Variants in OVCH1 observed in about 807,000 individuals in gnomAD.
OVCH1 encodes the protein ovochymase-1.
OVCH1 carries 139 observed loss-of-function variants against 138.4 expected under a neutral mutation model. That is an observed-to-expected ratio of 1.00 (90% CI 0.87 to 1.16). The LOEUF is 1.16. OVCH1 is among the 50% of genes most tolerant of loss of function. The probability of loss-of-function intolerance (pLI) is 0.00; values close to 1 mark genes in which losing one functional copy is unlikely to be tolerated. For synonymous variants in OVCH1, 453 were observed against 467.8 expected, an observed-to-expected ratio of 0.97 and a Z score of 0.41; for missense variants, 1,367 against 1,357.9, an observed-to-expected ratio of 1.01 and a Z score of -0.11.
chr12:29,472,531 A>G (rs1190591233), intron 15 of OVCH1, among the ~76,000 whole-genome samples: 1 of 152,086 alleles, frequency 6.6e-6, no homozygotes, highest in East Asian at 1.9e-4. Context: ...GCCTTCTCCA[A>G]CCCTCCAGCA....
At chr12:29,493,885 T>C (rs984554597) in intron 4 of OVCH1, among the ~76,000 whole-genome samples, 5 of 152,242 alleles carry the variant, frequency 3.3e-5, no homozygotes, top group African/African-American at 1.2e-4. Context: ...CTCGAATTCA[T>C]TAAAACTTTA....
chr12:29,459,564 GATAGCACA>G (rs1653502651), intron 19 of OVCH1, among the ~76,000 whole-genome samples: 1 of 152,096 alleles, frequency 6.6e-6, no homozygotes, highest in African/African-American at 2.4e-5. Context: ...AATAGTATTT[GATAGCACA>G]ACAGGGTAAC....
chr12:29,470,209 T>G (rs1333591739), intron 16 of OVCH1, among the ~76,000 whole-genome samples: 10 of 152,144 alleles, frequency 6.6e-5, no homozygotes, highest in Non-Finnish European at 1.3e-4. Context: ...AGCATAGTAT[T>G]TTTTTCTCTT....
chr12:29,490,158 G>A (rs1282490742), intron 5 of OVCH1, among the ~76,000 whole-genome samples: 2 of 151,996 alleles, frequency 1.3e-5, no homozygotes, highest in Non-Finnish European at 1.5e-5. Flanking sequence ...CAACCTCCTG[G>A]GAGCAAGTGA....
At chr12:29,455,875 G>A (rs775902438) in intron 19 of OVCH1, among the ~76,000 whole-genome samples, 8 of 151,882 alleles carry the variant, frequency 5.3e-5, no homozygotes, top group Non-Finnish European at 1.0e-4. Context: ...GTCATTGGGT[G>A]GTAACCTCTA....
At chr12:29,461,688 GATTA>G (rs1276466284) in intron 19 of OVCH1, 162 bp downstream of exon 19, 16 of 900,088 alleles carry the variant, frequency 1.8e-5, no homozygotes, top group African/African-American at 3.3e-5. Context: ...AGCAAATTCG[GATTA>G]ATTAACTTAT....
intron 19 of OVCH1, among the ~76,000 whole-genome samples, chr12:29,459,476 C>T (rs1361932487): frequency 6.6e-6 from 1 of 151,910 alleles, no homozygotes; most frequent in Admixed American, 6.6e-5. Flanking sequence ...AGGATGATTA[C>T]CAGAGGCTGG....
chr12:29,496,091 T>G, intron 3 of OVCH1, 90 bp downstream of exon 3: 2 of 1,198,538 alleles, frequency 1.7e-6, no homozygotes, highest in South Asian at 1.4e-5. Flanking sequence ...AGAAAGGGAC[T>G]GAGAATGAAC....
intron 16 of OVCH1, among the ~76,000 whole-genome samples, chr12:29,469,817 G>T (rs1159401682): frequency 2.6e-5 from 4 of 152,106 alleles, no homozygotes; most frequent in African/African-American, 9.7e-5. Flanking sequence ...AGACTAAAGT[G>T]AGCTATGATC....
chr12:29,472,010 A>G (rs373029407), intron 15 of OVCH1, 28 bp from the exon 16 acceptor site: 6 of 1,575,366 alleles, frequency 3.8e-6, no homozygotes, highest in Non-Finnish European at 4.3e-6. Context: ...CCAATGACCC[A>G]TAAGGTTGCA....
chr12:29,472,942 C>A lies in OVCH1; in HGVS notation c.1675+87G>T, dbSNP rs12316665. The stretch of plus-strand genomic sequence containing the variant: ...TTCTTCTTCACTGTGGAGTTATAGC[C>A]AATGTAAGATAAGGGCTTCCAAAAG... On this transcript the variant is annotated intron_variant, in intron 15 of 27. Coordinates refer to ENST00000318184, the Ensembl canonical transcript of OVCH1. 8.0e-3 allele frequency: 9,200 copies of A among 1,146,122 alleles called. 320 individuals are homozygous for A. The African/African-American group carries it at 0.095, about 12-fold the overall frequency. The allele number at this position is 1,146,122 out of a possible 1,614,324, so 71.0% of individuals were successfully genotyped here.
chr12:29,426,639 C>A (rs1941183601), downstream of OVCH1, among the ~76,000 whole-genome samples: 1 of 152,170 alleles, frequency 6.6e-6, no homozygotes, highest in African/African-American at 2.4e-5. Flanking sequence ...TCCAGTGTCT[C>A]ACATCATAAA....
At chr12:29,427,496 G>A (rs1941198744), downstream of OVCH1, 8 of 1,535,496 alleles carry the variant, frequency 5.2e-6, 1 homozygote, top group Admixed American at 4.0e-5. Flanking sequence ...GATTGAGGAC[G>A]TGAAACTTGA....
At chr12:29,449,910 A>G (rs996412661) in intron 22 of OVCH1, among the ~76,000 whole-genome samples, 3 of 152,106 alleles carry the variant, frequency 2.0e-5, no homozygotes, top group Non-Finnish European at 4.4e-5. Flanking sequence ...ACAAGCAATG[A>G]GGAAAGGATT....
downstream of OVCH1, among the ~76,000 whole-genome samples, chr12:29,412,323 C>G (rs1224569162): frequency 6.6e-6 from 1 of 152,092 alleles, no homozygotes; most frequent in Non-Finnish European, 1.5e-5. Context: ...GTGAGCTGCA[C>G]CCACTGACCC....
chr12:29,497,476 C>T (rs1343207039), intron 1 of OVCH1, 147 bp downstream of exon 1: 38 of 941,866 alleles, frequency 4.0e-5, no homozygotes, highest in Non-Finnish European at 6.0e-5. Flanking sequence ...GACATCTGAG[C>T]ATGCACCACC....
At chr12:29,446,007 C>T (rs978101448) in intron 22 of OVCH1, among the ~76,000 whole-genome samples, 2 of 152,064 alleles carry the variant, frequency 1.3e-5, no homozygotes, top group Admixed American at 6.6e-5. Flanking sequence ...CAGAGAGATA[C>T]CTGCTGATTG....
chr12:29,455,935 A>T (rs1021791052), intron 19 of OVCH1, among the ~76,000 whole-genome samples: 2 of 152,156 alleles, frequency 1.3e-5, no homozygotes, highest in African/African-American at 2.4e-5. Flanking sequence ...ATCTAATCAG[A>T]TCAAAGAGTA....
intron 16 of OVCH1, among the ~76,000 whole-genome samples, chr12:29,467,248 A>G (rs1230921805): frequency 6.6e-6 from 1 of 152,218 alleles, no homozygotes; most frequent in African/African-American, 2.4e-5. Context: ...TTTATATAGA[A>G]GAGAGTGTAT....
Sources: allele counts gnomAD v4.1 joint callset (sites outside exome capture counted in the v4.1 genomes callset), GRCh38; gene constraint gnomAD v4.1.1; transcripts MANE v1.5; gene names NCBI Gene and HGNC (gene_info 2026-07-23, HGNC 2026-07-21).